The following TMEM268 variants were observed in gnomAD, a reference collection of about 807,000 sequenced individuals.
TMEM268 encodes the protein transmembrane protein C9orf91.
TMEM268 carries 24 observed loss-of-function variants against 39.1 expected under a neutral mutation model. The ratio of observed to expected loss-of-function variants is 0.61; its 90% confidence interval spans 0.44 to 0.86. The LOEUF (loss-of-function observed/expected upper bound fraction) is 0.86. Among genes scored for constraint, TMEM268 ranks in the 40% least tolerant of loss-of-function variants. TMEM268 has a pLI of 0.00. For missense variants in TMEM268, 409 were observed against 428.6 expected (o/e 0.95, Z 0.40); for synonymous variants, 176 against 173.5 (o/e 1.01, Z -0.12).
Position 114,628,265 on chromosome 9 carries a change from G to A in TMEM268, c.474+15G>A. On this transcript the variant is annotated intron_variant, in intron 5 of 8. Transcript: ENST00000288502. ...ACCAGAAGAAGGTGAGATGTCTGGA[G>A]ATCCCTGCCACACTCTCTCCAGAAG... 3 of 1,611,192 alleles carry A rather than the reference G, an allele frequency of 1.9e-6. No homozygotes were observed. Among genetic ancestry groups the A allele is most frequent in the Non-Finnish European group, 1.7e-6 (2 of 1,179,360 alleles).
intron 1 of TMEM268, among the ~76,000 whole-genome samples, chr9:114,613,836 A>G (rs1442965541): frequency 6.6e-6 from 1 of 152,118 alleles, no homozygotes; most frequent in Non-Finnish European, 1.5e-5. Context: ...AAGGGCATGG[A>G]AATTATGGGC....
At chr9:114,628,426 T>C (rs990945649) in intron 5 of TMEM268, among the ~76,000 whole-genome samples, 176 bp downstream of exon 5, 5 of 152,236 alleles carry the variant, frequency 3.3e-5, no homozygotes, top group African/African-American at 1.2e-4. Flanking sequence ...TTCTCTCTGC[T>C]TTTCCTGTCT....
chr9:114,617,218 A>G lies in TMEM268; in HGVS notation c.23A>G (p.Asp8Gly), dbSNP rs1045877244. The G allele has an allele frequency of 2.5e-6, 4 of 1,609,702 alleles. No individual in the cohort carries two copies. The highest frequency in any genetic ancestry group is 3.4e-6 in the Non-Finnish European group (4 of 1,178,282). The change falls in exon 2 of 9, where the codon GAC becomes GGC. Residue 8 changes from aspartate (D) to glycine (G), a missense_variant. Asp to Gly is a moderately conservative substitution (Grantham distance 94, BLOSUM62 -1). Transcript: ENST00000288502. ...GCCATGGCCTGTGAACCACAGGTGG[A>G]CCCGGGGGCCACTGGCCCATTGCCC... The part of the protein sequence containing the change: MACEPQV[D>G]PGATGPLPPS...
intron 4 of TMEM268, 68 bp from the exon 5 acceptor site, chr9:114,628,033 C>T: frequency 6.4e-7 from 1 of 1,574,136 alleles, no homozygotes; most frequent in South Asian, 1.1e-5. Flanking sequence ...AAAGGTGTCC[C>T]TTTGAATGGA....
At chr9:114,630,767 C>T (rs184816202) in intron 5 of TMEM268, among the ~76,000 whole-genome samples, 45 of 152,264 alleles carry the variant, frequency 3.0e-4, no homozygotes, top group South Asian at 2.1e-4. Context: ...AGTGAGGAAA[C>T]GGAAGTTCAG....
chr9:114,624,852 G>T (rs1052102461), intron 3 of TMEM268, among the ~76,000 whole-genome samples: 1 of 152,234 alleles, frequency 6.6e-6, no homozygotes. Context: ...AAACTTGCCT[G>T]GGGGAAGAGG....
intron 2 of TMEM268, among the ~76,000 whole-genome samples, chr9:114,622,801 C>T (rs10982334): frequency 7.0e-4 from 107 of 152,220 alleles, no homozygotes; most frequent in Non-Finnish European, 1.2e-3. Context: ...CTTAAAACCA[C>T]GGATTTGGGC....
chr9:114,629,131 T>C (rs1044819409), intron 5 of TMEM268, among the ~76,000 whole-genome samples: 22 of 152,254 alleles, frequency 1.4e-4, no homozygotes, highest in African/African-American at 5.3e-4. Flanking sequence ...AGCCATGTTC[T>C]TAGCCACAAC....
At chr9:114,642,306 GA>G (rs1374676039) in intron 8 of TMEM268, among the ~76,000 whole-genome samples, 2 of 152,206 alleles carry the variant, frequency 1.3e-5, no homozygotes, top group Non-Finnish European at 2.9e-5. Context: ...GTCCTTTTGT[GA>G]TAAACCTAAT....
Position 114,618,883 on chromosome 9 carries a change from C to T in TMEM268, c.106+1582C>T, listed in dbSNP as rs548428457. On this transcript the variant is annotated intron_variant, in intron 2 of 8. Transcript: ENST00000288502. ...GTAAGCTCCCTGAAGGAAGGGGCTT[C>T]TGTCTTTTTCATCCCTGTATCTATA... Among the ~76,000 whole-genome samples the T allele has an allele frequency of 5.3e-5, 8 of 152,252 alleles. No homozygotes were observed. The South Asian group carries it at 1.7e-3, about 32-fold the overall frequency.
upstream of TMEM268, among the ~76,000 whole-genome samples, chr9:114,610,356 C>CA (rs1352628767): frequency 4.6e-5 from 7 of 151,874 alleles, no homozygotes; most frequent in East Asian, 9.7e-4. Flanking sequence ...TTTTTAATGG[C>CA]AAAAAAACGC....
chr9:114,630,057 C>G (rs7039782), intron 5 of TMEM268, among the ~76,000 whole-genome samples: 7 of 152,170 alleles, frequency 4.6e-5, no homozygotes, highest in Non-Finnish European at 8.8e-5. Context: ...TGGCACCTGA[C>G]AGGTGCTTCG....
chr9:114,622,136 G>A (rs1589336621), intron 2 of TMEM268: 10 of 985,408 alleles, frequency 1.0e-5, no homozygotes, highest in Non-Finnish European at 1.2e-5. Context: ...GGAGCAGGGA[G>A]AGAGAGGGTT....
chr9:114,605,102 C>T, the TMEM268 span, among the ~76,000 whole-genome samples: 1 of 152,198 alleles, frequency 6.6e-6, no homozygotes, highest in African/African-American at 2.4e-5. Flanking sequence ...CTTTATTGTA[C>T]TCAAGAAAAC....
upstream of TMEM268, among the ~76,000 whole-genome samples, chr9:114,606,393 A>G (rs548167813): frequency 6.6e-6 from 1 of 152,296 alleles, no homozygotes; most frequent in Admixed American, 6.5e-5. Context: ...ATTTAGTCCC[A>G]AGCTCTCACG....
chr9:114,617,813 C>A (rs117459105), intron 2 of TMEM268, among the ~76,000 whole-genome samples: 3,692 of 152,240 alleles, frequency 0.024, 77 homozygotes, highest in East Asian at 0.08. Flanking sequence ...CTCAAGCAGT[C>A]CTCTGGCTTT....
chr9:114,617,457 GCCAC>G (rs1375659246), intron 2 of TMEM268, among the ~76,000 whole-genome samples, 156 bp downstream of exon 2: 3 of 152,224 alleles, frequency 2.0e-5, no homozygotes, highest in African/African-American at 7.2e-5. Flanking sequence ...CTTAGACCAA[GCCAC>G]CATCACTCTC....
Position 114,617,226 on chromosome 9 carries a change from G to T in TMEM268, c.31G>T (p.Ala11Ser). MACEPQVDPGATGPLPPSSPG... is the reference protein window; with the variant it reads MACEPQVDPGSTGPLPPSSPG... The stretch of plus-strand genomic sequence containing the variant: ...CTGTGAACCACAGGTGGACCCGGGG[G>T]CCACTGGCCCATTGCCCCCCTCCTC... The change falls in exon 2 of 9, where the codon GCC (alanine) becomes TCC (serine). Residue 11 changes from alanine to serine, a missense_variant. Ala to Ser is a moderately conservative substitution (Grantham distance 99). Coordinates refer to ENST00000288502, the MANE Select transcript of TMEM268 (RefSeq NM_153045.4). The T allele has an allele frequency of 1.2e-6, 2 of 1,610,698 alleles. No individual in the cohort carries two copies. Among genetic ancestry groups the T allele is most frequent in the Admixed American group, 3.4e-5 (2 of 59,018 alleles).
At chr9:114,629,368 G>A (rs1846293562) in intron 5 of TMEM268, among the ~76,000 whole-genome samples, 1 of 152,212 alleles carries the variant, frequency 6.6e-6, no homozygotes, top group African/African-American at 2.4e-5. Flanking sequence ...TGCATTCCTT[G>A]GCTCGTGATC....
Sources: gnomAD v4.1 joint callset for allele counts (sites outside exome capture counted in the v4.1 genomes callset) on GRCh38, gnomAD v4.1.1 for gene constraint, MANE v1.5 for transcripts, NCBI Gene and HGNC (gene_info 2026-07-23, HGNC 2026-07-21) for gene names.